SYNE3: variants seen among roughly 807,000 people sequenced by gnomAD.
SYNE3 encodes the protein nesprin-3.
Under a neutral mutation model 111.2 loss-of-function variants are expected in SYNE3, and 100 were observed. That is an observed-to-expected ratio of 0.90 (90% confidence interval 0.77 to 1.06). The LOEUF (loss-of-function observed/expected upper bound fraction) is 1.06. Ranked by LOEUF, SYNE3 falls within the 50% of genes least tolerant of loss-of-function variation. The pLI is 0.00. For synonymous variants in SYNE3, 547 were observed against 533.9 expected (o/e 1.02, Z -0.34); for missense variants, 1,160 against 1,240.3 (o/e 0.94, Z 0.97).
At chr14:95,456,497 G>A (rs774362772) in intron 5 of SYNE3, among the ~76,000 whole-genome samples, 14 of 152,260 alleles carry the variant, frequency 9.2e-5, no homozygotes, top group Admixed American at 1.3e-4. Flanking sequence ...ATCCTTGGCC[G>A]CCACCCAGAG....
In SYNE3 at chr14:95,443,188, G is replaced by A. The variant is rs1394601791; in HGVS notation, c.1878C>T (p.Ser626=). The A allele has an allele frequency of 6.2e-7, 1 of 1,614,116 alleles. No homozygotes were observed. The highest frequency in any genetic ancestry group is 8.5e-7 in the Non-Finnish European group (1 of 1,179,984). ...ACCTCTGCAGGGCCTGGAAGTCGGA[G>A]GAAAGCTGGTCCATTTTGTGCTGGT... ...PNHQHKMDQL[S]SDFQALQRSL... is the part of the protein sequence containing the mutation. Residue 626 remains serine, a synonymous_variant, in exon 11 of 18, where the codon TCC becomes TCT. Transcript: ENST00000682763.
chr14:95,468,936 G>A (rs1228969017), intron 2 of SYNE3, among the ~76,000 whole-genome samples: 1 of 152,118 alleles, frequency 6.6e-6, no homozygotes, highest in Non-Finnish European at 1.5e-5. Context: ...CAATCCCAGG[G>A]CCACTCCTTA....
At chr14:95,438,902 A>T in intron 14 of SYNE3, 131 bp downstream of exon 14, 1 of 1,278,066 alleles carries the variant, frequency 7.8e-7, no homozygotes, top group Middle Eastern at 2.8e-4. Flanking sequence ...CTCAAATGAG[A>T]CAGGACGTGG....
rs748086812 is a variant in SYNE3, at chr14:95,455,533, G to C, written c.981C>G (p.Leu327=). The C allele has an allele frequency of 6.2e-7, 1 of 1,613,926 alleles. No homozygotes were observed. Among genetic ancestry groups the C allele is most frequent in the Non-Finnish European group, 8.5e-7 (1 of 1,179,992 alleles). The change falls in exon 6 of 18, where the codon CTC becomes CTG. Residue 327 remains leucine, a synonymous_variant. Coordinates refer to ENST00000682763, the MANE Select transcript of SYNE3 (RefSeq NM_152592.6). ...GCTGCTCCCAGGCTCCCCTGGACCGGAGCAGGCCCCGCAGCCGCTCCTCCT... is the reference window on the plus strand; with the variant it reads ...GCTGCTCCCAGGCTCCCCTGGACCGCAGCAGGCCCCGCAGCCGCTCCTCCT... ...EEEEERLRGL[L]RSRGAWEQQI...
chr14:95,454,557 C>T (rs1887291878), intron 6 of SYNE3, among the ~76,000 whole-genome samples: 2 of 152,216 alleles, frequency 1.3e-5, no homozygotes, highest in African/African-American at 4.8e-5. Context: ...GGGGACAGTT[C>T]CCTTTGGAGG....
intron 1 of SYNE3, among the ~76,000 whole-genome samples, 59 bp downstream of exon 1, chr14:95,516,537 C>T (rs59233058): frequency 0.029 from 4,072 of 138,040 alleles, 183 homozygotes; most frequent in African/African-American, 0.098. Flanking sequence ...CCCACCCGCC[C>T]GGCCCCCGGC....
At chr14:95,503,814 C>T (rs921228453) in intron 1 of SYNE3, among the ~76,000 whole-genome samples, 1 of 151,868 alleles carries the variant, frequency 6.6e-6, no homozygotes, top group African/African-American at 2.4e-5. Context: ...AGAGATGGGT[C>T]TCACCATGTT....
Position 95,433,285 on chromosome 14 carries a change from T to G in SYNE3, c.2663A>C (p.Lys888Thr), listed in dbSNP as rs1885895127. Residue 888 changes from lysine to threonine, a missense_variant, in exon 16 of 18, where the codon AAG becomes ACG. Lys to Thr is a moderately conservative substitution (Grantham distance 78, BLOSUM62 -1). Transcript: ENST00000682763. ...LRYQWMLYKS[K>T]LKDSGHLLTQ... ...CAGCAGGTGGCCAGAGTCCTTCAGC[T>G]TGGACTTGTACAGCATCCACTGGTA... is the stretch of plus-strand genomic sequence containing the variant. 6.2e-7 allele frequency: 1 copy of G among 1,613,940 alleles called. No individual in the cohort carries two copies. The highest frequency in any genetic ancestry group is 1.7e-5 in the Admixed American group (1 of 59,984).
rs537417416 is a variant in SYNE3 at position 95,414,331 on chromosome 14, G to A, written c.*3495C>T. ...GTATCAAACCCTGGGGGCAGGTGTC[G>A]ATGTGGGAATTACATAAAGCAAGGC... is the stretch of plus-strand genomic sequence containing the variant. On this transcript the variant is annotated 3_prime_UTR_variant, in exon 18 of 18. Coordinates refer to ENST00000682763, the MANE Select transcript of SYNE3 (RefSeq NM_152592.6). 9.2e-5 allele frequency: 14 copies of A among 152,346 alleles called. No homozygotes were observed. Among genetic ancestry groups the A allele is most frequent in the East Asian group, 1.9e-4 (1 of 5,188 alleles). The allele number at this position is 152,346 out of a possible 1,614,324, so 9.4% of individuals were successfully genotyped here.
intron 17 of SYNE3, among the ~76,000 whole-genome samples, chr14:95,427,378 T>G (rs1885493998): frequency 6.6e-6 from 1 of 152,032 alleles, no homozygotes; most frequent in Non-Finnish European, 1.5e-5. Flanking sequence ...GGGCCTGACA[T>G]CAGTCAGGCC....
intron 2 of SYNE3, among the ~76,000 whole-genome samples, chr14:95,469,047 C>A (rs1226532356): frequency 6.6e-6 from 1 of 152,156 alleles, no homozygotes; most frequent in Admixed American, 6.5e-5. Flanking sequence ...GCACGCTGCC[C>A]AGCCCACACC....
At chr14:95,444,445 C>T (rs1886587228) in intron 10 of SYNE3, 40 bp downstream of exon 10, 1 of 1,552,046 alleles carries the variant, frequency 6.4e-7, no homozygotes, top group Non-Finnish European at 8.7e-7. Context: ...TGCAGCTGAG[C>T]ACCTGGGCAG....
intron 7 of SYNE3, chr14:95,450,554 G>A (rs1160919133): frequency 6.3e-6 from 1 of 159,610 alleles, no homozygotes; most frequent in African/African-American, 2.4e-5. Context: ...GTGCATGCCT[G>A]TAGTCCTAGC....
intron 13 of SYNE3, 145 bp downstream of exon 13, chr14:95,439,467 A>G: frequency 9.1e-7 from 1 of 1,098,044 alleles, no homozygotes; most frequent in Non-Finnish European, 1.3e-6. Flanking sequence ...AGAATAGCCA[A>G]CTGGGCCAAA....
At chr14:95,434,004 G>T (rs1885940290) in intron 15 of SYNE3, among the ~76,000 whole-genome samples, 1 of 152,070 alleles carries the variant, frequency 6.6e-6, no homozygotes, top group Non-Finnish European at 1.5e-5. Context: ...AGGAATGTAT[G>T]CTGTACAAAA....
At chr14:95,510,778 A>C (rs1461994196) in intron 1 of SYNE3, among the ~76,000 whole-genome samples, 4 of 151,732 alleles carry the variant, frequency 2.6e-5, no homozygotes, top group Non-Finnish European at 5.9e-5. Flanking sequence ...ACAGAGTGAG[A>C]CTCCGTCTCA....
chr14:95,479,109 A>G (rs931232984), intron 1 of SYNE3, among the ~76,000 whole-genome samples: 1 of 151,350 alleles, frequency 6.6e-6, no homozygotes, highest in African/African-American at 2.4e-5. Flanking sequence ...TAATTTAAAA[A>G]CCCATCCAGG....
At chr14:95,444,419 A>C (rs1331674443) in intron 10 of SYNE3, 66 bp downstream of exon 10, 4 of 1,522,492 alleles carry the variant, frequency 2.6e-6, no homozygotes, top group East Asian at 2.3e-5. Context: ...TGCTAGAGGG[A>C]GACGCTGCTT....
intron 17 of SYNE3, chr14:95,429,813 G>T: frequency 2.0e-6 from 1 of 489,958 alleles, no homozygotes; most frequent in Non-Finnish European, 2.6e-6. Flanking sequence ...GACCTTCAGA[G>T]CTCTCTGACC....
Sources: gnomAD v4.1 joint callset for allele counts (sites outside exome capture counted in the v4.1 genomes callset) on GRCh38, gnomAD v4.1.1 for gene constraint, MANE v1.5 for transcripts, NCBI Gene and HGNC (gene_info 2026-07-23, HGNC 2026-07-21) for gene names.